The following CHIC1 variants were observed in gnomAD, a reference collection of about 807,000 sequenced individuals.
The protein encoded by CHIC1 is cysteine rich hydrophobic domain 1, also known as cysteine-rich hydrophobic domain-containing protein 1.
Under a neutral mutation model 18.5 loss-of-function variants are expected in CHIC1, and 7 were observed. That is an observed-to-expected ratio of 0.38 (90% CI 0.22 to 0.71). The LOEUF (loss-of-function observed/expected upper bound fraction) is 0.71, where lower values mean the gene tolerates loss of function less well. Among genes scored for constraint, CHIC1 ranks in the 30% least tolerant of loss-of-function variants. The pLI, the probability that CHIC1 is intolerant of heterozygous loss-of-function variation, is 0.49. For synonymous variants in CHIC1, 77 were observed against 73.5 expected, an observed-to-expected ratio of 1.05 and a Z score of -0.25; for missense variants, 159 against 176.9, an observed-to-expected ratio of 0.90 and a Z score of 0.57.
chrX:73,671,841 A>G (rs2058032414), intron 3 of CHIC1, among the ~76,000 whole-genome samples: 1 of 109,114 alleles, frequency 9.2e-6, no homozygotes, highest in African/African-American at 3.4e-5. Context: ...ACATATGTAT[A>G]CATGTGCCAT....
At chrX:73,613,649 G>T (rs1391289014) in intron 3 of CHIC1, among the ~76,000 whole-genome samples, 1 of 111,818 alleles carries the variant, frequency 8.9e-6, no homozygotes, top group Non-Finnish European at 1.9e-5. Context: ...CAAATTGACT[G>T]GGACAGTTGA....
chrX:73,636,159 G>A (rs1397784548), intron 3 of CHIC1, among the ~76,000 whole-genome samples: 1 of 111,791 alleles, frequency 8.9e-6, no homozygotes, highest in Non-Finnish European at 1.9e-5. Context: ...TCTGACATTA[G>A]TGTATTTATT....
intron 2 of CHIC1, among the ~76,000 whole-genome samples, chrX:73,578,278 T>C (rs2057509899): frequency 9.0e-6 from 1 of 110,828 alleles, no homozygotes; most frequent in Non-Finnish European, 1.9e-5. Flanking sequence ...ATGTGAACTT[T>C]CTGTGCCCAA....
chrX:73,686,547 TTTTA>T lies in CHIC1; in HGVS notation c.*5546_*5549del, dbSNP rs2058122851. ...CAAGGCAATAATTTCTCAAATGTTC[TTTTA>T]TTTCTTTGTTTTTATCTCGACTTTT... On this transcript the variant is annotated 3_prime_UTR_variant, in exon 6 of 6. Transcript: ENST00000373502. The T allele has an allele frequency of 8.9e-6, 1 of 112,242 alleles. No individual in the cohort carries two copies. Among genetic ancestry groups the T allele is most frequent in the African/African-American group, 3.2e-5 (1 of 30,970 alleles). The allele number at this position is 112,242 out of a possible 1,213,427, so 9.3% of individuals were successfully genotyped here. A position where few individuals can be genotyped will look rare whatever the true frequency, so the allele number is the denominator to read the frequency against.
chrX:73,655,471 T>TAC (rs2057940200), intron 3 of CHIC1, among the ~76,000 whole-genome samples: 1 of 72,022 alleles, frequency 1.4e-5, no homozygotes, highest in Non-Finnish European at 2.8e-5. Context: ...TGTATATATA[T>TAC]ATACATATAT....
intron 3 of CHIC1, among the ~76,000 whole-genome samples, chrX:73,620,984 G>C (rs773297270): frequency 1.8e-4 from 20 of 111,696 alleles, no homozygotes; most frequent in Admixed American, 1.1e-3. Flanking sequence ...TATTTTTTCA[G>C]GTTTGTCAAA....
At chrX:73,589,859 G>A (rs1228083796) in intron 3 of CHIC1, among the ~76,000 whole-genome samples, 5 of 110,960 alleles carry the variant, frequency 4.5e-5, no homozygotes, top group African/African-American at 1.6e-4. Flanking sequence ...ATTTTGCTCA[G>A]TATAGAATTT....
At chrX:73,614,788 G>C (rs1256378678) in intron 3 of CHIC1, among the ~76,000 whole-genome samples, 1 of 109,673 alleles carries the variant, frequency 9.1e-6, no homozygotes, top group African/African-American at 3.3e-5. Flanking sequence ...CTGATTCTTT[G>C]TATTGTTTTA....
intron 3 of CHIC1, among the ~76,000 whole-genome samples, chrX:73,648,558 C>G (rs1281225714): frequency 2.7e-5 from 3 of 111,723 alleles, no homozygotes; most frequent in African/African-American, 9.8e-5. Context: ...AGCACAAGAA[C>G]TTGGTGAAGC....
At chrX:73,607,232 G>GT (rs1373716227) in intron 3 of CHIC1, among the ~76,000 whole-genome samples, 1 of 108,854 alleles carries the variant, frequency 9.2e-6, no homozygotes, top group East Asian at 2.8e-4. Context: ...TTGCCAAGCT[G>GT]TGGTGGGCTT....
At chrX:73,679,083 T>G (rs1258787392) in intron 3 of CHIC1, among the ~76,000 whole-genome samples, 1 of 112,094 alleles carries the variant, frequency 8.9e-6, no homozygotes, top group Non-Finnish European at 1.9e-5. Flanking sequence ...CATATTTCAT[T>G]TTAGAAAGCA....
intron 3 of CHIC1, among the ~76,000 whole-genome samples, chrX:73,672,485 A>G (rs763664311): frequency 8.9e-6 from 1 of 112,165 alleles, no homozygotes; most frequent in African/African-American, 3.2e-5. Flanking sequence ...ATAGCATCTC[A>G]TTGTGGTTTT....
At chrX:73,629,711 A>T (rs935850452) in intron 3 of CHIC1, among the ~76,000 whole-genome samples, 29 of 111,966 alleles carry the variant, frequency 2.6e-4, no homozygotes, top group African/African-American at 8.8e-4. Flanking sequence ...TATAGTTTGA[A>T]ATCAGGAAGA....
chrX:73,670,586 TTTCTTCTA>T (rs1207461289), intron 3 of CHIC1, among the ~76,000 whole-genome samples: 1 of 108,642 alleles, frequency 9.2e-6, no homozygotes, highest in African/African-American at 3.5e-5. Flanking sequence ...CATTATATTC[TTTCTTCTA>T]TTCTTATATT....
intron 3 of CHIC1, among the ~76,000 whole-genome samples, chrX:73,619,644 A>G (rs1288377447): frequency 8.9e-6 from 1 of 111,845 alleles, no homozygotes; most frequent in African/African-American, 3.3e-5. Flanking sequence ...CAATTATATA[A>G]AAACAAGCAA....
chrX:73,596,078 G>T (rs1825522355), intron 3 of CHIC1, among the ~76,000 whole-genome samples: 1 of 111,460 alleles, frequency 9.0e-6, no homozygotes, highest in South Asian at 3.8e-4. Context: ...TTAGCTCTTT[G>T]TCCGATTGAT....
chrX:73,647,423 C>T (rs1351147903), intron 3 of CHIC1, among the ~76,000 whole-genome samples: 1 of 112,005 alleles, frequency 8.9e-6, no homozygotes, highest in Non-Finnish European at 1.9e-5. Flanking sequence ...GAGAGGCAAC[C>T]GCCAGCACTG....
chrX:73,607,132 A>G (rs6648373), intron 3 of CHIC1, among the ~76,000 whole-genome samples: 20,936 of 108,215 alleles, frequency 0.19, 2,481 homozygotes, highest in East Asian at 0.94. Flanking sequence ...AGTTTTATCT[A>G]TAAGTCTTTG....
rs1448827548 is a variant in CHIC1 at position 73,686,931 on chromosome X, T to C, written c.*5926T>C. The stretch of plus-strand genomic sequence containing the variant: ...TGGAATGAATTCATTTTTTCTCCCT[T>C]GAGTCCAGGAATGACTTCCCTGGAA... On this transcript the variant is annotated 3_prime_UTR_variant, in exon 6 of 6. Coordinates refer to ENST00000373502, the MANE Select transcript of CHIC1 (RefSeq NM_001039840.4). The C allele has an allele frequency of 9.0e-6, 1 of 111,563 alleles. No individual in the cohort carries two copies. Among genetic ancestry groups the C allele is most frequent in the South Asian group, 3.7e-4 (1 of 2,721 alleles). The allele number at this position is 111,563 out of a possible 1,213,427, so 9.2% of individuals were successfully genotyped here. A position where few individuals can be genotyped will look rare whatever the true frequency, so the allele number is the denominator to read the frequency against.
Sources: gnomAD v4.1 joint callset for allele counts (sites outside exome capture counted in the v4.1 genomes callset) on GRCh38, gnomAD v4.1.1 for gene constraint, MANE v1.5 for transcripts, NCBI Gene and HGNC (gene_info 2026-07-23, HGNC 2026-07-21) for gene names.